Variants in CTSB observed in about 807,000 individuals in gnomAD.
CTSB encodes the protein cathepsin B.
In CTSB, 57 loss-of-function variants were observed where a neutral mutation model predicts 44.3. The observed-to-expected ratio is 1.29, with a 90% CI of 1.04 to 1.60. The LOEUF (loss-of-function observed/expected upper bound fraction) is 1.60, where lower values mean the gene tolerates loss of function less well. CTSB is among the 40% of genes most tolerant of loss of function. The probability of loss-of-function intolerance (pLI) is 0.00; values close to 1 mark genes in which losing one functional copy is unlikely to be tolerated. For missense variants in CTSB, 768 were observed against 443.0 expected (o/e 1.73, Z -6.59); for synonymous variants, 320 against 168.0 (o/e 1.91, Z -7.00).
Position 11,844,955 on chromosome 8 carries a change from C to G in CTSB, c.*170G>C. 2 of 610,410 alleles carry G rather than the reference C, an allele frequency of 3.3e-6. No homozygotes were observed. The highest frequency in any genetic ancestry group is 1.9e-5 in the South Asian group (1 of 52,228). 37.8% of individuals were successfully genotyped at this position (610,410 alleles called of 1,614,324 possible). ...ACATGGCCTGTCTGCACTGTAACCA[C>G]AGGCTGGGATGTAGCCAGGACTTGG... On this transcript the variant is annotated 3_prime_UTR_variant, in exon 10 of 10. Transcript: ENST00000353047.
rs777740733 is a variant in CTSB at position 11,845,665 on chromosome 8, G to A, written c.918C>T (p.Asp306=). 4.3e-6 allele frequency: 7 copies of A among 1,612,640 alleles called. No homozygotes were observed. The highest frequency in any genetic ancestry group is 1.3e-5 in the African/African-American group (1 of 74,902). ...VANSWNTDWG[D]NGFFKILRGQ... ...AGGAAGGGGGCAGCCACTCACCATT[G>A]TCACCCCAGTCAGTGTTCCAGGAGT... The change falls in exon 9 of 10, where the codon GAC becomes GAT. Residue 306 remains aspartate, a synonymous_variant. Transcript: ENST00000353047.
intron 8 of CTSB, 90 bp downstream of exon 8, chr8:11,846,937 CCCAGCCCCTCACCTGCCTGCCCAAT>C: frequency 2.8e-6 from 2 of 719,704 alleles, no homozygotes; most frequent in Non-Finnish European, 5.1e-6. Flanking sequence ...AGCCCTCTTC[CCCAGCCCCTCACCTGCCTGCCCAAT>C]CCAGCCCTAT....
chr8:11,845,813 G>C, intron 8 of CTSB, 24 bp from the exon 9 acceptor site: 1 of 1,597,764 alleles, frequency 6.3e-7, no homozygotes, highest in Non-Finnish European at 8.6e-7. Context: ...AACTGGCTGA[G>C]ACCGAGACCG....
chr8:11,845,799 G>C lies in CTSB; in HGVS notation c.794-10C>G. On this transcript the variant is annotated splice_polypyrimidine_tract_variant and intron_variant, in intron 8 of 9. Coordinates refer to ENST00000353047, the MANE Select transcript of CTSB (RefSeq NM_001908.5). ...ACGTGTTGGTACACTCCTGAAAAGG[G>C]AAGAACTGGCTGAGACCGAGACCGG... The C allele has an allele frequency of 6.2e-7, 1 of 1,608,640 alleles. No homozygotes were observed.
rs1812603245 is a variant in CTSB at position 11,843,320 on chromosome 8, ATT to A, written c.*1803_*1804del. 6.6e-6 allele frequency: 1 copy of A among 152,312 alleles called. No homozygotes were observed. The highest frequency in any genetic ancestry group is 2.1e-4 in the South Asian group (1 of 4,832). The allele number at this position is 152,312 out of a possible 1,614,324, so 9.4% of individuals were successfully genotyped here. On this transcript the variant is annotated 3_prime_UTR_variant, in exon 10 of 10. Coordinates refer to ENST00000353047, the MANE Select transcript of CTSB (RefSeq NM_001908.5). ...AATGTTCCTCAGATTTTCAGAGCTT[ATT>A]TGATCTAGCATCTGGTTCCTAAATT...
intron 6 of CTSB, 103 bp from the exon 7 acceptor site, chr8:11,847,925 T>C (rs1464320147): frequency 2.8e-6 from 4 of 1,429,808 alleles, no homozygotes; most frequent in East Asian, 2.3e-5. Context: ...AGGCAGGTCC[T>C]GCCAGAGGCC....
intron 1 of CTSB, chr8:11,867,273 C>G (rs1045321419): frequency 1.3e-5 from 2 of 152,262 alleles, no homozygotes; most frequent in African/African-American, 4.8e-5. Context: ...GGTGGCGCCC[C>G]AGGGACTCTG....
rs896548315 is a variant in CTSB at position 11,844,973 on chromosome 8, G to C, written c.*152C>G. The C allele has an allele frequency of 1.1e-5, 7 of 626,900 alleles. No individual in the cohort carries two copies. The highest frequency in any genetic ancestry group is 1.8e-5 in the African/African-American group (1 of 54,750). 38.8% of individuals were successfully genotyped at this position (626,900 alleles called of 1,614,324 possible). A position where few individuals can be genotyped will look rare whatever the true frequency, so the allele number is the denominator to read the frequency against. On this transcript the variant is annotated 3_prime_UTR_variant, in exon 10 of 10. Coordinates refer to ENST00000353047, the MANE Select transcript of CTSB (RefSeq NM_001908.5). ...GTAACCACAGGCTGGGATGTAGCCA[G>C]GACTTGGTCTCCTTGGAAGACAGGT...
At chr8:11,860,768 CAGTA>C (rs1194816571) in intron 1 of CTSB, among the ~76,000 whole-genome samples, 5 of 152,262 alleles carry the variant, frequency 3.3e-5, no homozygotes, top group African/African-American at 1.2e-4. Flanking sequence ...TGTGAAGGCT[CAGTA>C]AGACCTTCCC....
intron 1 of CTSB, among the ~76,000 whole-genome samples, chr8:11,860,332 T>A (rs934173730): frequency 2.6e-5 from 4 of 151,794 alleles, no homozygotes; most frequent in Non-Finnish European, 4.4e-5. Context: ...CTCTAAAGAA[T>A]TGAAAGTTGG....
intron 3 of CTSB, 104 bp from the exon 4 acceptor site, chr8:11,851,084 G>C (rs1360961054): frequency 1.3e-5 from 9 of 670,988 alleles, no homozygotes; most frequent in African/African-American, 3.6e-5. Flanking sequence ...ACAAGGAAAT[G>C]AGCACAAGAC....
At chr8:11,864,330 A>C (rs1438896299) in intron 1 of CTSB, 2 of 150,132 alleles carry the variant, frequency 1.3e-5, no homozygotes, top group Non-Finnish European at 3.0e-5. Context: ...AAAAAAAAAA[A>C]AAAAAAAAAA....
chr8:11,844,921 C>G lies in CTSB; in HGVS notation c.*204G>C. 1 of 578,694 alleles carries G rather than the reference C, an allele frequency of 1.7e-6. No individual in the cohort carries two copies. Among genetic ancestry groups the G allele is most frequent in the Non-Finnish European group, 3.1e-6 (1 of 323,406 alleles). 35.8% of individuals were successfully genotyped at this position (578,694 alleles called of 1,614,324 possible). ...GGGGAAGGACGCTCTGTGCTGGCAG[C>G]GGTGGCTCACATGGCCTGTCTGCAC... On this transcript the variant is annotated 3_prime_UTR_variant, in exon 10 of 10. Coordinates refer to ENST00000353047, the MANE Select transcript of CTSB (RefSeq NM_001908.5).
At chr8:11,853,533 C>T in intron 1 of CTSB, 54 bp from the exon 2 acceptor site, 1 of 1,529,538 alleles carries the variant, frequency 6.5e-7, no homozygotes, top group Non-Finnish European at 8.8e-7. Flanking sequence ...GTCGAGGGCT[C>T]ACACACACAG....
At position 11,852,696 on chromosome 8, in the gene CTSB, C is replaced by G; in HGVS notation, c.127-1G>C. 6.2e-7 allele frequency: 1 copy of G among 1,613,818 alleles called. No individual in the cohort carries two copies. The highest frequency in any genetic ancestry group is 8.5e-7 in the Non-Finnish European group (1 of 1,179,960). On this transcript the variant is annotated splice_acceptor_variant, in intron 2 of 9. Transcript: ENST00000353047. LOFTEE classifies it high-confidence loss of function. Reference sequence around the variant, plus strand: ...CCACGTTGTAGAAGTTGTGCCCGGCCTGGAAGAGAGTCACCCACTGACTGA... The same window carrying G: ...CCACGTTGTAGAAGTTGTGCCCGGCGTGGAAGAGAGTCACCCACTGACTGA...
chr8:11,844,874 T>C lies in CTSB; in HGVS notation c.*251A>G. The C allele has an allele frequency of 4.3e-6, 2 of 469,658 alleles. No individual in the cohort carries two copies. Among genetic ancestry groups the C allele is most frequent in the Non-Finnish European group, 7.7e-6 (2 of 261,262 alleles). 29.1% of individuals were successfully genotyped at this position (469,658 alleles called of 1,614,324 possible). ...CACAGTCAGCTGGGGCAGCAGGTAC[T>C]CCCTACGGCACTAGTCTACAGGGGG... On this transcript the variant is annotated 3_prime_UTR_variant, in exon 10 of 10. Transcript: ENST00000353047.
At position 11,852,420 on chromosome 8, in the gene CTSB, AAAAAT is replaced by A. The variant is rs373259587; in HGVS notation, c.212+185_212+189del. ...TTCTCTACTAATAACTTGAGAAGGA[AAAAAT>A]AAAATAAAAAGAGAAAGTAATATAA... On this transcript the variant is annotated intron_variant, in intron 3 of 9. Transcript: ENST00000353047. Among the ~76,000 whole-genome samples the A allele has an allele frequency of 1.4e-3, 216 of 152,298 alleles. 1 individual carries two copies. The highest frequency in any genetic ancestry group is 4.5e-3 in the African/African-American group (189 of 41,556).
At chr8:11,848,913 G>A in intron 5 of CTSB, 133 bp downstream of exon 5, 1 of 626,504 alleles carries the variant, frequency 1.6e-6, no homozygotes, top group East Asian at 3.0e-5. Flanking sequence ...CTGCCTGCCA[G>A]ACTCTCGGAG....
Position 11,853,480 on chromosome 8 carries a change from C to G in CTSB, c.-25-1G>C, listed in dbSNP as rs373778211. ...GTTGGAAGCCGGATCCTAGATCCACCTGGAGAGGACAGAGGGCATCAGGAC... is the reference window on the plus strand; with the variant it reads ...GTTGGAAGCCGGATCCTAGATCCACGTGGAGAGGACAGAGGGCATCAGGAC... On this transcript the variant is annotated splice_acceptor_variant, in intron 1 of 9. Transcript: ENST00000353047. LOFTEE classifies it low-confidence loss of function (5UTR_SPLICE). The G allele has an allele frequency of 2.5e-6, 4 of 1,608,428 alleles. No individual in the cohort carries two copies. In the African/African-American group the frequency reaches 4.0e-5, roughly 16 times the overall value.
Sources: allele counts gnomAD v4.1 joint callset (sites outside exome capture counted in the v4.1 genomes callset), GRCh38; gene constraint gnomAD v4.1.1; transcripts MANE v1.5; gene names NCBI Gene and HGNC (gene_info 2026-07-23, HGNC 2026-07-21).